The following KAZN variants were observed in gnomAD, a reference collection of about 807,000 sequenced individuals.
KAZN encodes the protein kazrin.
KAZN carries 40 observed loss-of-function variants against 87.4 expected under a neutral mutation model. The observed-to-expected ratio is 0.46, with a 90% CI of 0.36 to 0.60. KAZN has a LOEUF of 0.60. KAZN is among the 20% of genes least tolerant of loss of function. The pLI, the probability that KAZN is intolerant of heterozygous loss-of-function variation, is 0.00. For synonymous variants in KAZN, 466 were observed against 458.3 expected, an observed-to-expected ratio of 1.02 and a Z score of -0.22; for missense variants, 898 against 1,073.9, an observed-to-expected ratio of 0.84 and a Z score of 2.29.
At chr1:14,245,598 GATA>G (rs1288763926) in intron 2 of KAZN, among the ~76,000 whole-genome samples, 58 of 152,128 alleles carry the variant, frequency 3.8e-4, no homozygotes, top group Non-Finnish European at 7.6e-4. Flanking sequence ...ACATCTTTGA[GATA>G]GATTCCTAGA....
chr1:14,076,912 G>A (rs922561004), intron 1 of KAZN, among the ~76,000 whole-genome samples: 1 of 152,178 alleles, frequency 6.6e-6, no homozygotes, highest in Non-Finnish European at 1.5e-5. Context: ...AAAGATGCAA[G>A]GTGAGGATGC....
chr1:14,122,138 C>T (rs935254363), intron 1 of KAZN, among the ~76,000 whole-genome samples: 3 of 152,028 alleles, frequency 2.0e-5, no homozygotes, highest in African/African-American at 7.3e-5. Flanking sequence ...CAGGGAGACC[C>T]AGGTGAGAGG....
intron 1 of KAZN, among the ~76,000 whole-genome samples, chr1:14,642,486 CTTTAAAAAGCT>C (rs1266907457): frequency 6.6e-6 from 1 of 152,070 alleles, no homozygotes; most frequent in Non-Finnish European, 1.5e-5. Flanking sequence ...TGTGTGGAAG[CTTTAAAAAGCT>C]GATCTCATAG....
chr1:14,195,636 G>A (rs1437145445), intron 2 of KAZN, among the ~76,000 whole-genome samples: 1 of 147,202 alleles, frequency 6.8e-6, no homozygotes, highest in Non-Finnish European at 1.5e-5. Flanking sequence ...TGAGAAAATA[G>A]TTAGCAGATA....
At chr1:14,576,436 G>A (rs1248105609) in intron 2 of KAZN, among the ~76,000 whole-genome samples, 1 of 151,374 alleles carries the variant, frequency 6.6e-6, no homozygotes, top group Non-Finnish European at 1.5e-5. Context: ...TGGATGAATG[G>A]AACAATGGAT....
chr1:15,023,127 G>T (rs1417323129), intron 2 of KAZN, among the ~76,000 whole-genome samples: 2 of 152,212 alleles, frequency 1.3e-5, no homozygotes, highest in Non-Finnish European at 2.9e-5. Flanking sequence ...TTCCTGTAGG[G>T]CCGGGTAGTG....
intron 8 of KAZN, among the ~76,000 whole-genome samples, chr1:15,085,086 G>T: frequency 6.6e-6 from 1 of 152,036 alleles, no homozygotes; most frequent in South Asian, 2.1e-4. Context: ...ATGAATAAAA[G>T]GGTGGGTTAA....
intron 2 of KAZN, among the ~76,000 whole-genome samples, chr1:14,395,610 C>T (rs1662829288): frequency 1.3e-5 from 2 of 152,134 alleles, no homozygotes; most frequent in Non-Finnish European, 1.5e-5. Flanking sequence ...CCGACACCTC[C>T]TCTCTGATTT....
At chr1:14,089,173 C>G (rs1298857504) in intron 1 of KAZN, among the ~76,000 whole-genome samples, 2 of 151,826 alleles carry the variant, frequency 1.3e-5, no homozygotes, top group East Asian at 1.9e-4. Context: ...TAAAATTTTT[C>G]TATTTAATAT....
chr1:14,669,569 C>T (rs181854642), intron 1 of KAZN, among the ~76,000 whole-genome samples: 24 of 152,076 alleles, frequency 1.6e-4, no homozygotes, highest in African/African-American at 5.8e-4. Context: ...CATATCAAGA[C>T]CCCATCTCTA....
intron 2 of KAZN, among the ~76,000 whole-genome samples, chr1:14,552,297 G>T (rs775292214): frequency 6.6e-6 from 1 of 152,182 alleles, no homozygotes; most frequent in Non-Finnish European, 1.5e-5. Context: ...AGAAAGATCC[G>T]GCTAGCAGAG....
At chr1:13,974,864 T>C (rs1234318197) in intron 1 of KAZN, among the ~76,000 whole-genome samples, 1 of 152,180 alleles carries the variant, frequency 6.6e-6, no homozygotes, top group Non-Finnish European at 1.5e-5. Context: ...TTGTAAACCT[T>C]AGATACCCTG....
At chr1:14,647,237 G>A (rs2148687169) in intron 1 of KAZN, among the ~76,000 whole-genome samples, 1 of 152,286 alleles carries the variant, frequency 6.6e-6, no homozygotes, top group South Asian at 2.1e-4. Context: ...GGTCAAAACA[G>A]CCCGCAGCCA....
intron 1 of KAZN, among the ~76,000 whole-genome samples, chr1:14,659,879 T>C (rs1390955874): frequency 6.6e-6 from 1 of 150,768 alleles, no homozygotes; most frequent in Non-Finnish European, 1.5e-5. Flanking sequence ...ATACACATTC[T>C]TTAAAAAAAA....
chr1:14,795,252 G>A (rs957262446), intron 1 of KAZN, among the ~76,000 whole-genome samples: 1 of 152,122 alleles, frequency 6.6e-6, no homozygotes, highest in Non-Finnish European at 1.5e-5. Flanking sequence ...TTAGGACCCT[G>A]ACTAATACAA....
At chr1:14,315,532 C>A (rs926532968) in intron 2 of KAZN, among the ~76,000 whole-genome samples, 4 of 152,078 alleles carry the variant, frequency 2.6e-5, no homozygotes, top group African/African-American at 9.7e-5. Flanking sequence ...AATATTTCCT[C>A]ATGCCCTTCC....
chr1:14,519,315 G>C (rs1290428552), intron 2 of KAZN, among the ~76,000 whole-genome samples: 1 of 152,194 alleles, frequency 6.6e-6, no homozygotes, highest in African/African-American at 2.4e-5. Flanking sequence ...CTTTGCTTTA[G>C]ATGGCCTCCG....
At position 14,970,350 on chromosome 1, in the gene KAZN, T is replaced by C. The variant is rs187524201; in HGVS notation, c.418+9475T>C. 5.6e-4 allele frequency among the ~76,000 whole-genome samples: 85 copies of C among 152,256 alleles called. No individual in the cohort carries two copies. In the East Asian group the frequency reaches 0.016, roughly 29 times the overall value. ...AAGCCCTGTATCACGTGGGCGGGGC[T>C]CTGCAAGGCCAGGCTCCTTGGCAAC... On this transcript the variant is annotated intron_variant, in intron 2 of 14. Transcript: ENST00000376030.
rs111890651 is a variant in KAZN at position 13,973,578 on chromosome 1, C to T, written c.91+79822C>T. On this transcript the variant is annotated intron_variant, in intron 1 of 16. Coordinates refer to the KAZN transcript ENST00000636203. ...TCCCTCAACTTGCCTTTCAGGCCTACGGTGTTACCAGCTTTCCAGTGTTTG... is the reference window on the plus strand; with the variant it reads ...TCCCTCAACTTGCCTTTCAGGCCTATGGTGTTACCAGCTTTCCAGTGTTTG... 1.7e-3 allele frequency among the ~76,000 whole-genome samples: 252 copies of T among 152,360 alleles called. 1 individual carries two copies. The highest frequency in any genetic ancestry group is 5.8e-3 in the African/African-American group (243 of 41,592).
Sources: allele counts gnomAD v4.1 joint callset (sites outside exome capture counted in the v4.1 genomes callset), GRCh38; gene constraint gnomAD v4.1.1; transcripts MANE v1.5; gene names NCBI Gene and HGNC (gene_info 2026-07-23, HGNC 2026-07-21).